DXO: variants seen among roughly 807,000 people sequenced by gnomAD.
DXO encodes decapping and exoribonuclease protein.
A neutral mutation model predicts 39.8 loss-of-function variants in DXO; 42 were observed. The observed-to-expected ratio is 1.06, with a 90% CI of 0.83 to 1.37. DXO has a LOEUF of 1.37. Ranked by LOEUF, DXO falls within the 40% of genes most tolerant of loss-of-function variation. DXO has a pLI of 0.00. For missense variants in DXO, 495 were observed against 513.0 expected (o/e 0.96, Z 0.34); for synonymous variants, 193 against 200.4 (o/e 0.96, Z 0.31).
chr6:31,972,057 C>G lies in DXO; in HGVS notation c.-135G>C. ...CATTCAGCGACAGTGGCGGGCAAAC[C>G]CCTCCCGGGGCGGGGGAGGTGTGAG... On this transcript the variant is annotated 5_prime_UTR_variant, in exon 1 of 7. Coordinates refer to ENST00000337523, the MANE Select transcript of DXO (RefSeq NM_005510.4). This position sits in a 1 kb window ranked among gnomAD's most constrained non-coding sequence, Gnocchi z 6.3. 6.2e-7 allele frequency: 1 copy of G among 1,612,436 alleles called. No homozygotes were observed. Among genetic ancestry groups the G allele is most frequent in the Non-Finnish European group, 8.5e-7 (1 of 1,179,146 alleles).
chr6:31,971,297 A>C lies in DXO; in HGVS notation c.356+23T>G. 4 of 1,535,272 alleles carry C rather than the reference A, an allele frequency of 2.6e-6. No individual in the cohort carries two copies. Among genetic ancestry groups the C allele is most frequent in the Non-Finnish European group, 2.6e-6 (3 of 1,140,590 alleles). ...AGGGTAGGTACGGGTCTCCAGATAT[A>C]CTGCCTACCACGCTTTGCTCACCCC... On this transcript the variant is annotated intron_variant, in intron 2 of 6. Coordinates refer to ENST00000337523, the MANE Select transcript of DXO (RefSeq NM_005510.4). The surrounding 1 kb of genome is among the most constrained non-coding windows in gnomAD (Gnocchi z 4.5).
rs947520385 is a variant in DXO at position 31,970,887 on chromosome 6, G to A, written c.592+25C>T. On this transcript the variant is annotated intron_variant, in intron 3 of 6. Coordinates refer to ENST00000337523, the MANE Select transcript of DXO (RefSeq NM_005510.4). This position sits in a 1 kb window ranked among gnomAD's most constrained non-coding sequence, Gnocchi z 4.0. ...CTCTCAACCTCTGGGAAGGGGAAGG[G>A]GGCTATGAAGCAGGGGCAACTCACC... 37 of 1,610,724 alleles carry A rather than the reference G, an allele frequency of 2.3e-5. No individual in the cohort carries two copies. In the Admixed American group the frequency reaches 3.8e-4, roughly 17 times the overall value.
rs1773262639 is a variant in DXO at position 31,971,054 on chromosome 6, C to G, written c.450G>C (p.Gln150His). 1.4e-5 allele frequency: 22 copies of G among 1,613,020 alleles called. No homozygotes were observed. The highest frequency in any genetic ancestry group is 1.6e-5 in the Non-Finnish European group (19 of 1,180,018). The part of the protein sequence containing the change: ...TTPYERQEGW[Q>H]LAASRFQGTL... ...TTCCCTGGAACCGGGAGGCTGCCAG[C>G]TGCCAGCCCTCCTGCCGCTCATACG... Residue 150 changes from glutamine (Q) to histidine (H), a missense_variant, in exon 3 of 7, where the codon CAG (glutamine) becomes CAC (histidine). Transcript: ENST00000337523. This position sits in a 1 kb window ranked among gnomAD's most constrained non-coding sequence, Gnocchi z 4.5.
Position 31,971,814 on chromosome 6 carries a change from G to A in DXO, c.-7+115C>T, listed in dbSNP as rs956478771. Reference sequence around the variant, plus strand: ...ACATTCAGGCCCCTCAGACGCCACCGCGGCCAAGCTCTCATCCTGCCTCTT... The same window carrying A: ...ACATTCAGGCCCCTCAGACGCCACCACGGCCAAGCTCTCATCCTGCCTCTT... On this transcript the variant is annotated intron_variant, in intron 1 of 6. Transcript: ENST00000337523. This position sits in a 1 kb window ranked among gnomAD's most constrained non-coding sequence, Gnocchi z 4.5. The A allele has an allele frequency of 5.2e-5, 69 of 1,317,694 alleles. No individual in the cohort carries two copies. The highest frequency in any genetic ancestry group is 6.9e-5 in the Non-Finnish European group (68 of 987,350). 81.6% of individuals were successfully genotyped at this position (1,317,694 alleles called of 1,614,324 possible).
Position 31,971,201 on chromosome 6 carries a change from T to G in DXO, c.357-54A>C. 6.3e-7 allele frequency: 1 copy of G among 1,585,794 alleles called. No homozygotes were observed. The highest frequency in any genetic ancestry group is 8.6e-7 in the Non-Finnish European group (1 of 1,163,850). Reference sequence around the variant, plus strand: ...TCTGACACAAGCATTAGTGAGATGCTCCCCTCGAAGAATAGTCTTGTTTCT... The same window carrying G: ...TCTGACACAAGCATTAGTGAGATGCGCCCCTCGAAGAATAGTCTTGTTTCT... On this transcript the variant is annotated intron_variant, in intron 2 of 6. Coordinates refer to ENST00000337523, the MANE Select transcript of DXO (RefSeq NM_005510.4). The surrounding 1 kb of genome is among the most constrained non-coding windows in gnomAD (Gnocchi z 4.5).
At position 31,971,759 on chromosome 6, in the gene DXO, G is replaced by A; in HGVS notation, c.-6-78C>T. 7.0e-7 allele frequency: 1 copy of A among 1,426,102 alleles called. No individual in the cohort carries two copies. Among genetic ancestry groups the A allele is most frequent in the Non-Finnish European group, 9.3e-7 (1 of 1,074,502 alleles). 88.3% of individuals were successfully genotyped at this position (1,426,102 alleles called of 1,614,324 possible). On this transcript the variant is annotated intron_variant, in intron 1 of 6. Transcript: ENST00000337523. This position sits in a 1 kb window ranked among gnomAD's most constrained non-coding sequence, Gnocchi z 4.5. ...GGATGACTGGTTTAGGACTAAGCGA[G>A]CCACCTGATCGCCAGGCTCTGGCCT...
rs754121281 is a variant in DXO at position 31,971,419 on chromosome 6, T to G, written c.257A>C (p.Asp86Ala). The change falls in exon 2 of 7, where the codon GAC (aspartate) becomes GCC (alanine). Residue 86 changes from aspartate to alanine, a missense_variant. Coordinates refer to ENST00000337523, the MANE Select transcript of DXO (RefSeq NM_005510.4). This position sits in a 1 kb window ranked among gnomAD's most constrained non-coding sequence, Gnocchi z 4.5. ...NGPGPNFDLRDGYPDRYQPRD... is the reference protein window; with the variant it reads ...NGPGPNFDLRAGYPDRYQPRD... ...GGGCTGGTATCGATCCGGGTATCCGTCTCTGAGGTCAAAGTTGGGGCCTGG... is the reference window on the plus strand; with the variant it reads ...GGGCTGGTATCGATCCGGGTATCCGGCTCTGAGGTCAAAGTTGGGGCCTGG... 4.4e-6 allele frequency: 7 copies of G among 1,608,950 alleles called. No homozygotes were observed. Among genetic ancestry groups the G allele is most frequent in the Non-Finnish European group, 6.0e-6 (7 of 1,176,252 alleles).
chr6:31,969,997 AG>A lies in DXO; in HGVS notation c.1070del (p.Pro357LeufsTer26), dbSNP rs753106687. 6 of 1,614,010 alleles carry A rather than the reference AG, an allele frequency of 3.7e-6. No individual in the cohort carries two copies. The highest frequency in any genetic ancestry group is 5.1e-6 in the Non-Finnish European group (6 of 1,180,006). ...GTACAGACACGGTGACTGGGCCGCC[AG>A]GCTCCCAAGAGAAGAGATGAACGAG... ...PRLVHLFSWE[P>X]GGPVTVSVHQ... On this transcript the variant is annotated frameshift_variant, in exon 7 of 7. Coordinates refer to ENST00000337523, the MANE Select transcript of DXO (RefSeq NM_005510.4). LOFTEE classifies it high-confidence loss of function. This position sits in a 1 kb window ranked among gnomAD's most constrained non-coding sequence, Gnocchi z 6.1.
Position 31,970,870 on chromosome 6 carries a change from C to T in DXO, c.592+42G>A, listed in dbSNP as rs894065801. On this transcript the variant is annotated intron_variant, in intron 3 of 6. Transcript: ENST00000337523. The surrounding 1 kb of genome is among the most constrained non-coding windows in gnomAD (Gnocchi z 4.0). Reference sequence around the variant, plus strand: ...GCAGCAGGCGTGGGGGGCTCTCAACCTCTGGGAAGGGGAAGGGGGCTATGA... The same window carrying T: ...GCAGCAGGCGTGGGGGGCTCTCAACTTCTGGGAAGGGGAAGGGGGCTATGA... 1 of 1,611,402 alleles carries T rather than the reference C, an allele frequency of 6.2e-7. No individual in the cohort carries two copies. Among genetic ancestry groups the T allele is most frequent in the African/African-American group, 1.3e-5 (1 of 74,828 alleles).
In DXO at chr6:31,970,094, A is replaced by G; in HGVS notation, c.1043+15T>C. 2.5e-6 allele frequency: 4 copies of G among 1,613,914 alleles called. No homozygotes were observed. Among genetic ancestry groups the G allele is most frequent in the Non-Finnish European group, 3.4e-6 (4 of 1,180,014 alleles). On this transcript the variant is annotated intron_variant, in intron 6 of 6. Coordinates refer to ENST00000337523, the MANE Select transcript of DXO (RefSeq NM_005510.4). The surrounding 1 kb of genome is among the most constrained non-coding windows in gnomAD (Gnocchi z 4.0). ...CCTGGGATCCAGAGGGGAGGGACAG[A>G]GCTGAATGCCTCACCTGGGGTCATC...
At position 31,971,207 on chromosome 6, in the gene DXO, C is replaced by A; in HGVS notation, c.357-60G>T. The A allele has an allele frequency of 6.3e-7, 1 of 1,580,434 alleles. No individual in the cohort carries two copies. Among genetic ancestry groups the A allele is most frequent in the Non-Finnish European group, 8.6e-7 (1 of 1,160,996 alleles). ...ACAAGCATTAGTGAGATGCTCCCCT[C>A]GAAGAATAGTCTTGTTTCTTCTAAG... On this transcript the variant is annotated intron_variant, in intron 2 of 6. Transcript: ENST00000337523. This position sits in a 1 kb window ranked among gnomAD's most constrained non-coding sequence, Gnocchi z 4.5.
At position 31,970,180 on chromosome 6, in the gene DXO, G is replaced by A. The variant is rs745709710; in HGVS notation, c.972C>T (p.Pro324=). The stretch of plus-strand genomic sequence containing the variant: ...CGGCACAGAAGTTCATGCACACAGA[G>A]GGATTCCAGCCGTCACGGTCATTCT... The part of the protein sequence containing the change: ...YVRNDRDGWN[P]SVCMNFCAAF... The change falls in exon 6 of 7, where the codon CCC becomes CCT. Residue 324 remains proline, a synonymous_variant. Coordinates refer to ENST00000337523, the MANE Select transcript of DXO (RefSeq NM_005510.4). The surrounding 1 kb of genome is among the most constrained non-coding windows in gnomAD (Gnocchi z 4.0). 13 of 1,614,030 alleles carry A rather than the reference G, an allele frequency of 8.1e-6. No individual in the cohort carries two copies. The highest frequency in any genetic ancestry group is 1.1e-5 in the Non-Finnish European group (13 of 1,180,022).
Position 31,969,878 on chromosome 6 carries a change from T to C in DXO, c.1190A>G (p.Ter397TrpextTer1), listed in dbSNP as rs1484893924. 1.4e-5 allele frequency: 22 copies of C among 1,613,960 alleles called. No individual in the cohort carries two copies. The Admixed American group carries it at 3.7e-4, about 27-fold the overall frequency. Residue 397 changes from the stop codon to tryptophan, a stop_lost, in exon 7 of 7, where the codon TAG becomes TGG. Transcript: ENST00000337523. This position sits in a 1 kb window ranked among gnomAD's most constrained non-coding sequence, Gnocchi z 6.1. ...TGACTGCCTCCCTCTAAAGCATTAC[T>C]ATTTGGGAGAGGGAGTCTTGGGGGG... ...PSPPKTPSPK[*>W]
chr6:31,971,189 T>A lies in DXO; in HGVS notation c.357-42A>T. 1 of 1,596,640 alleles carries A rather than the reference T, an allele frequency of 6.3e-7. No homozygotes were observed. Among genetic ancestry groups the A allele is most frequent in the Non-Finnish European group, 8.5e-7 (1 of 1,169,602 alleles). On this transcript the variant is annotated intron_variant, in intron 2 of 6. Transcript: ENST00000337523. This position sits in a 1 kb window ranked among gnomAD's most constrained non-coding sequence, Gnocchi z 4.5. The stretch of plus-strand genomic sequence containing the variant: ...ACAGGCTGAAGGTCTGACACAAGCA[T>A]TAGTGAGATGCTCCCCTCGAAGAAT...
At position 31,972,117 on chromosome 6, in the gene DXO, G is replaced by A. The variant is rs1773415330; in HGVS notation, c.-195C>T. On this transcript the variant is annotated 5_prime_UTR_variant, in exon 1 of 7. Transcript: ENST00000337523. This position sits in a 1 kb window ranked among gnomAD's most constrained non-coding sequence, Gnocchi z 6.3. Reference sequence around the variant, plus strand: ...GGAGGTTGACACCAACGTGGCCACCGGCGCCCCTCCACGCCGCCAACGAGT... The same window carrying A: ...GGAGGTTGACACCAACGTGGCCACCAGCGCCCCTCCACGCCGCCAACGAGT... 6 of 1,612,876 alleles carry A rather than the reference G, an allele frequency of 3.7e-6. No individual in the cohort carries two copies. Among genetic ancestry groups the A allele is most frequent in the South Asian group, 3.3e-5 (3 of 91,074 alleles).
In DXO at chr6:31,971,807, C is replaced by T. The variant is rs1773359359; in HGVS notation, c.-7+122G>A. 1.5e-6 allele frequency: 2 copies of T among 1,322,892 alleles called. No individual in the cohort carries two copies. The highest frequency in any genetic ancestry group is 2.0e-6 in the Non-Finnish European group (2 of 991,710). 81.9% of individuals were successfully genotyped at this position (1,322,892 alleles called of 1,614,324 possible). On this transcript the variant is annotated intron_variant, in intron 1 of 6. Coordinates refer to ENST00000337523, the MANE Select transcript of DXO (RefSeq NM_005510.4). This position sits in a 1 kb window ranked among gnomAD's most constrained non-coding sequence, Gnocchi z 4.5. Reference sequence around the variant, plus strand: ...CCTTGAAACATTCAGGCCCCTCAGACGCCACCGCGGCCAAGCTCTCATCCT... The same window carrying T: ...CCTTGAAACATTCAGGCCCCTCAGATGCCACCGCGGCCAAGCTCTCATCCT...
In DXO at chr6:31,971,329, C is replaced by A; in HGVS notation, c.347G>T (p.Arg116Leu). 1 of 1,541,004 alleles carries A rather than the reference C, an allele frequency of 6.5e-7. No individual in the cohort carries two copies. The highest frequency in any genetic ancestry group is 8.8e-7 in the Non-Finnish European group (1 of 1,142,708). Residue 116 changes from arginine (R) to leucine (L), a missense_variant, in exon 2 of 7, where the codon CGG (arginine) becomes CTG (leucine). By Grantham distance (102) the Arg-to-Leu change is moderately radical. Transcript: ENST00000337523. This position sits in a 1 kb window ranked among gnomAD's most constrained non-coding sequence, Gnocchi z 4.5. The stretch of plus-strand genomic sequence containing the variant: ...ACCACGCTTTGCTCACCCCTCCAAC[C>A]GGCCTCGGTGTTCCAGGAGCCAGCA... ...LLCWLLEHRG[R>L]LEGGPGWLAE...
At position 31,970,881 on chromosome 6, in the gene DXO, G is replaced by T. The variant is rs755606792; in HGVS notation, c.592+31C>A. On this transcript the variant is annotated intron_variant, in intron 3 of 6. Transcript: ENST00000337523. The surrounding 1 kb of genome is among the most constrained non-coding windows in gnomAD (Gnocchi z 4.0). ...GGGGGGCTCTCAACCTCTGGGAAGG[G>T]GAAGGGGGCTATGAAGCAGGGGCAA... 2.5e-6 allele frequency: 4 copies of T among 1,611,200 alleles called. No individual in the cohort carries two copies. Among genetic ancestry groups the T allele is most frequent in the Non-Finnish European group, 3.4e-6 (4 of 1,178,596 alleles).
rs1431567444 is a variant in DXO at position 31,969,891 on chromosome 6, G to A, written c.1177C>T (p.Pro393Ser). 1.9e-6 allele frequency: 3 copies of A among 1,614,046 alleles called. No homozygotes were observed. The highest frequency in any genetic ancestry group is 2.5e-6 in the Non-Finnish European group (3 of 1,180,024). ...TQDLPSPPKT[P>S]SPK ...CTAAAGCATTACTATTTGGGAGAGG[G>A]AGTCTTGGGGGGTGATGGGAGGTCC... is the stretch of plus-strand genomic sequence containing the variant. The change falls in exon 7 of 7, where the codon CCC becomes TCC. Residue 393 changes from proline to serine, a missense_variant. Pro to Ser is a moderately conservative substitution (Grantham distance 74, BLOSUM62 -1). Coordinates refer to ENST00000337523, the MANE Select transcript of DXO (RefSeq NM_005510.4). The surrounding 1 kb of genome is among the most constrained non-coding windows in gnomAD (Gnocchi z 6.1).
Sources: allele counts gnomAD v4.1 joint callset, GRCh38; gene constraint gnomAD v4.1.1; non-coding constraint Gnocchi (gnomAD v3.1); transcripts MANE v1.5; gene names NCBI Gene and HGNC (gene_info 2026-07-23, HGNC 2026-07-21).